Variants in COL25A1 observed in about 807,000 individuals in gnomAD.
COL25A1 encodes collagen alpha-1(XXV) chain.
Under a neutral mutation model 128.4 loss-of-function variants are expected in COL25A1, and 103 were observed. The observed-to-expected ratio is 0.80, with a 90% confidence interval of 0.68 to 0.94. COL25A1 has a LOEUF of 0.94. COL25A1 is among the 40% of genes least tolerant of loss of function. The pLI is 0.00. For synonymous variants in COL25A1, 279 were observed against 277.2 expected, an observed-to-expected ratio of 1.01 and a Z score of -0.06; for missense variants, 745 against 840.0, an observed-to-expected ratio of 0.89 and a Z score of 1.40.
chr4:108,859,174 T>G (rs997722950), intron 24 of COL25A1, among the ~76,000 whole-genome samples: 6 of 152,204 alleles, frequency 3.9e-5, no homozygotes, highest in Admixed American at 3.3e-4. Context: ...CCATTTGCTC[T>G]TCTCAACAAG....
At chr4:108,893,830 A>G (rs1036090628) in intron 16 of COL25A1, among the ~76,000 whole-genome samples, 1 of 152,212 alleles carries the variant, frequency 6.6e-6, no homozygotes, top group Non-Finnish European at 1.5e-5. Flanking sequence ...AAATGTTTAA[A>G]AAACACATCA....
chr4:108,852,692 T>C (rs1735933501), intron 25 of COL25A1, among the ~76,000 whole-genome samples: 1 of 152,178 alleles, frequency 6.6e-6, no homozygotes, highest in Non-Finnish European at 1.5e-5. Context: ...CCAGAGACTT[T>C]TAAGAAAATT....
At chr4:109,271,887 T>C (rs1174824452) in intron 3 of COL25A1, among the ~76,000 whole-genome samples, 2 of 152,226 alleles carry the variant, frequency 1.3e-5, no homozygotes, top group Non-Finnish European at 2.9e-5. Context: ...GTAAGTGGTA[T>C]TTTCAGTAAA....
chr4:109,196,640 T>G (rs1024506), intron 3 of COL25A1, among the ~76,000 whole-genome samples: 100,462 of 151,976 alleles, frequency 0.66, 33,507 homozygotes, highest in East Asian at 0.75. Flanking sequence ...TGCAGCTCAG[T>G]GTAAAAAGAA....
intron 3 of COL25A1, among the ~76,000 whole-genome samples, chr4:109,157,973 C>G (rs2126112907): frequency 6.6e-6 from 1 of 152,234 alleles, no homozygotes; most frequent in African/African-American, 2.4e-5. Flanking sequence ...GATGTGGAGC[C>G]AGCACTAAAG....
intron 35 of COL25A1, among the ~76,000 whole-genome samples, chr4:108,821,382 T>A (rs1731755607): frequency 6.6e-6 from 1 of 152,052 alleles, no homozygotes; most frequent in African/African-American, 2.4e-5. Flanking sequence ...CATTCAGGAG[T>A]AAGTTGGTCA....
At chr4:109,236,688 C>T (rs1779500688) in intron 3 of COL25A1, among the ~76,000 whole-genome samples, 1 of 152,010 alleles carries the variant, frequency 6.6e-6, no homozygotes, top group African/African-American at 2.4e-5. Context: ...TCTAGAAATG[C>T]CTTTTTATTT....
At chr4:109,229,773 G>T (rs1233891128) in intron 3 of COL25A1, among the ~76,000 whole-genome samples, 6 of 152,168 alleles carry the variant, frequency 3.9e-5, no homozygotes. Flanking sequence ...TCTGACGATG[G>T]CTGTGCAAGT....
At chr4:109,213,404 G>A (rs1777738518) in intron 3 of COL25A1, among the ~76,000 whole-genome samples, 1 of 152,168 alleles carries the variant, frequency 6.6e-6, no homozygotes, top group Non-Finnish European at 1.5e-5. Context: ...TGGCACAAGA[G>A]ATGCTGAACC....
intron 3 of COL25A1, among the ~76,000 whole-genome samples, chr4:109,107,945 C>CT (rs1489953894): frequency 1.3e-5 from 2 of 152,210 alleles, no homozygotes; most frequent in African/African-American, 4.8e-5. Flanking sequence ...TCCATGTGAT[C>CT]AACTCTTTCC....
At chr4:109,111,163 G>C (rs1200268983) in intron 3 of COL25A1, among the ~76,000 whole-genome samples, 2 of 152,086 alleles carry the variant, frequency 1.3e-5, no homozygotes, top group African/African-American at 4.8e-5. Context: ...TGTACTATGT[G>C]GTGTTTTCGC....
intron 6 of COL25A1, among the ~76,000 whole-genome samples, chr4:108,997,179 G>T (rs1754866168): frequency 1.3e-5 from 2 of 152,232 alleles, no homozygotes; most frequent in South Asian, 4.1e-4. Context: ...ATAAATCAAT[G>T]AATCCAGGAG....
intron 20 of COL25A1, among the ~76,000 whole-genome samples, chr4:108,867,998 G>A (rs189907752): frequency 2.5e-4 from 38 of 152,208 alleles, no homozygotes; most frequent in African/African-American, 7.7e-4. Context: ...TTTTGCAGAC[G>A]TTATTCAGAG....
chr4:108,950,523 C>T (rs1489142813), intron 8 of COL25A1, among the ~76,000 whole-genome samples: 1 of 152,154 alleles, frequency 6.6e-6, no homozygotes, highest in African/African-American at 2.4e-5. Flanking sequence ...CTGATACTTC[C>T]GCCTAGATGA....
At chr4:108,860,854 T>C (rs1737120606) in intron 23 of COL25A1, 73 bp downstream of exon 23, 1 of 1,203,470 alleles carries the variant, frequency 8.3e-7, no homozygotes, top group Non-Finnish European at 1.2e-6. Context: ...GTCATATGAA[T>C]AGCCATGCAG....
intron 3 of COL25A1, among the ~76,000 whole-genome samples, chr4:109,177,378 G>A (rs901992773): frequency 4.6e-5 from 7 of 152,116 alleles, no homozygotes; most frequent in Admixed American, 3.3e-4. Flanking sequence ...ACTGCATTTG[G>A]GGAATGTTGG....
chr4:109,022,957 C>T (rs1252417913), intron 5 of COL25A1, among the ~76,000 whole-genome samples: 2 of 152,058 alleles, frequency 1.3e-5, no homozygotes, highest in African/African-American at 4.8e-5. Context: ...TCAGAGAACC[C>T]AAGAGCATTC....
At chr4:108,979,784 G>A (rs17039612) in intron 6 of COL25A1, among the ~76,000 whole-genome samples, 2,160 of 152,292 alleles carry the variant, frequency 0.014, 50 homozygotes, top group African/African-American at 0.048. Context: ...TCAGCCAGGC[G>A]ATGTACTCTG....
At chr4:108,936,420 A>G (rs1438879310) in intron 11 of COL25A1, among the ~76,000 whole-genome samples, 6 of 152,124 alleles carry the variant, frequency 3.9e-5, no homozygotes, top group Non-Finnish European at 7.4e-5. Context: ...TACAAAAATT[A>G]GCTGGGCCTG....
Sources: allele counts gnomAD v4.1 joint callset (sites outside exome capture counted in the v4.1 genomes callset), GRCh38; gene constraint gnomAD v4.1.1; transcripts MANE v1.5; gene names NCBI Gene and HGNC (gene_info 2026-07-23, HGNC 2026-07-21).